Variants in BPTF observed in about 807,000 individuals in gnomAD.
The protein encoded by BPTF is bromodomain PHD finger transcription factor.
Under a neutral mutation model 292.5 loss-of-function variants are expected in BPTF, and 18 were observed. The ratio of observed to expected loss-of-function variants is 0.06; its 90% CI spans 0.04 to 0.09. BPTF has a LOEUF of 0.09. Among genes scored for constraint, BPTF ranks in the 10% least tolerant of loss-of-function variants. The pLI is 1.00. For missense variants in BPTF, 2,726 were observed against 3,498.7 expected (o/e 0.78, Z 5.57); for synonymous variants, 1,225 against 1,251.9 (o/e 0.98, Z 0.45).
At chr17:67,980,984 C>G (rs543265319) in intron 27 of BPTF, among the ~76,000 whole-genome samples, 1 of 152,216 alleles carries the variant, frequency 6.6e-6, no homozygotes, top group South Asian at 2.1e-4. Flanking sequence ...ATGGGGAAAC[C>G]CCATCCCTAC....
At chr17:67,883,476 G>T (rs9897982) in intron 4 of BPTF, among the ~76,000 whole-genome samples, 51,598 of 151,666 alleles carry the variant, frequency 0.34, 11,039 homozygotes, top group East Asian at 0.66. Context: ...ACTATGTAAC[G>T]GGAGATATTC....
At chr17:67,941,783 C>G (rs1451692816) in intron 19 of BPTF, among the ~76,000 whole-genome samples, 1 of 152,172 alleles carries the variant, frequency 6.6e-6, no homozygotes, top group Non-Finnish European at 1.5e-5. Context: ...AGAAGAATAT[C>G]TTCATAGCTT....
chr17:67,840,254 A>G (rs557175680), intron 1 of BPTF, among the ~76,000 whole-genome samples: 2 of 150,986 alleles, frequency 1.3e-5, no homozygotes, highest in Non-Finnish European at 3.0e-5. Flanking sequence ...TCAAGTGCGC[A>G]CCTCCACAGT....
At chr17:67,906,115 C>T (rs556384542) in intron 9 of BPTF, among the ~76,000 whole-genome samples, 2 of 151,972 alleles carry the variant, frequency 1.3e-5, no homozygotes, top group African/African-American at 4.8e-5. Flanking sequence ...TGGAGTCTTG[C>T]TCTGTCACCA....
At chr17:67,865,477 A>G (rs1311771028) in intron 2 of BPTF, among the ~76,000 whole-genome samples, 1 of 152,204 alleles carries the variant, frequency 6.6e-6, no homozygotes, top group African/African-American at 2.4e-5. Context: ...AGTGAGGTAA[A>G]TAGAATGGCT....
At chr17:67,876,792 C>T (rs2060075799) in intron 4 of BPTF, among the ~76,000 whole-genome samples, 1 of 151,406 alleles carries the variant, frequency 6.6e-6, no homozygotes, top group Non-Finnish European at 1.5e-5. Flanking sequence ...GGCGACAGAG[C>T]AAGACTTCAT....
At chr17:67,963,784 G>T (rs542586405) in intron 24 of BPTF, among the ~76,000 whole-genome samples, 1 of 152,260 alleles carries the variant, frequency 6.6e-6, no homozygotes, top group African/African-American at 2.4e-5. Context: ...GATTAAAATA[G>T]CCTGACTTGT....
At chr17:67,962,552 C>G (rs1555684649) in intron 24 of BPTF, among the ~76,000 whole-genome samples, 3 of 152,356 alleles carry the variant, frequency 2.0e-5, no homozygotes, top group Non-Finnish European at 4.4e-5. Flanking sequence ...TTGCATCATT[C>G]TCCACACCTT....
At chr17:67,963,191 T>A in intron 24 of BPTF, 1 of 1,012,080 alleles carries the variant, frequency 9.9e-7, no homozygotes, top group African/African-American at 1.6e-5. Context: ...AGGAGTAGAA[T>A]GGTTGGATTC....
chr17:67,835,193 A>G (rs1473307449), intron 1 of BPTF, among the ~76,000 whole-genome samples: 3 of 151,710 alleles, frequency 2.0e-5, no homozygotes, highest in Non-Finnish European at 4.4e-5. Flanking sequence ...CCTGGGTGAC[A>G]GAGTGAGAAC....
At chr17:67,977,164 A>G (rs1335350534) in intron 27 of BPTF, among the ~76,000 whole-genome samples, 1 of 152,332 alleles carries the variant, frequency 6.6e-6, no homozygotes, top group Non-Finnish European at 1.5e-5. Context: ...CAGAATAAAT[A>G]TATTTTCAGT....
intron 3 of BPTF, among the ~76,000 whole-genome samples, chr17:67,869,646 G>A (rs2059589542): frequency 1.3e-5 from 2 of 152,078 alleles, no homozygotes; most frequent in South Asian, 4.1e-4. Context: ...CAATGAGCAT[G>A]TTATATAGTT....
intron 7 of BPTF, among the ~76,000 whole-genome samples, chr17:67,899,503 T>C (rs1397759739): frequency 6.6e-6 from 1 of 152,000 alleles, no homozygotes; most frequent in Admixed American, 6.5e-5. Context: ...TCTATGCAGG[T>C]AGTTTTATAC....
intron 1 of BPTF, among the ~76,000 whole-genome samples, chr17:67,846,885 G>T (rs2058066696): frequency 6.6e-6 from 1 of 152,142 alleles, no homozygotes; most frequent in Non-Finnish European, 1.5e-5. Flanking sequence ...TATTTTAGTA[G>T]AGACAGGGTT....
intron 1 of BPTF, among the ~76,000 whole-genome samples, chr17:67,845,881 A>G (rs1292847632): frequency 6.6e-6 from 1 of 151,444 alleles, no homozygotes; most frequent in Admixed American, 6.6e-5. Context: ...TTGAGCCCAC[A>G]TTTTAGGAAT....
At position 67,928,570 on chromosome 17, in the gene BPTF, T is replaced by C. The variant is rs2064108119; in HGVS notation, c.5967T>C (p.Ala1989=). The C allele has an allele frequency of 6.2e-7, 1 of 1,614,012 alleles. No homozygotes were observed. The highest frequency in any genetic ancestry group is 8.5e-7 in the Non-Finnish European group (1 of 1,179,986). The change falls in exon 16 of 28, where the codon GCT becomes GCC. Residue 1989 remains alanine (A), a synonymous_variant. Coordinates refer to ENST00000306378, the MANE Select transcript of BPTF (RefSeq NM_182641.4). The part of the protein sequence containing the change: ...QQNKNFHQTF[A]TWVKQGQSNS... ...ACAAGAACTTTCATCAAACCTTTGC[T>C]ACATGGGTTAAGCAAGGCCAGTCAA... is the stretch of plus-strand genomic sequence containing the variant.
At chr17:67,905,888 C>T (rs2146711000) in intron 9 of BPTF, among the ~76,000 whole-genome samples, 1 of 151,790 alleles carries the variant, frequency 6.6e-6, no homozygotes, top group East Asian at 1.9e-4. Flanking sequence ...ACATCACACA[C>T]CGGGGCCTGT....
At chr17:67,951,854 G>A (rs11867401) in intron 23 of BPTF, 98,872 of 151,680 alleles carry the variant, frequency 0.65, 34,844 homozygotes, top group Non-Finnish European at 0.79. Context: ...CCAGGAGTTC[G>A]AGACCAGCCT....
chr17:67,827,987 A>G (rs1465839018), intron 1 of BPTF, among the ~76,000 whole-genome samples: 1 of 144,130 alleles, frequency 6.9e-6, no homozygotes, highest in Non-Finnish European at 1.5e-5. Context: ...GCTGGAGTGC[A>G]GTGTCCTGAT....
Sources: gnomAD v4.1 joint callset for allele counts (sites outside exome capture counted in the v4.1 genomes callset) on GRCh38, gnomAD v4.1.1 for gene constraint, MANE v1.5 for transcripts, NCBI Gene and HGNC (gene_info 2026-07-23, HGNC 2026-07-21) for gene names.